The following DROSHA variants were observed in gnomAD, a reference collection of about 807,000 sequenced individuals.
DROSHA encodes the protein drosha ribonuclease III.
DROSHA carries 56 observed loss-of-function variants against 181.9 expected under a neutral mutation model. The observed-to-expected ratio is 0.31, with a 90% CI of 0.25 to 0.38. DROSHA has a LOEUF of 0.38. Among genes scored for constraint, DROSHA ranks in the 10% least tolerant of loss-of-function variants. The probability of loss-of-function intolerance (pLI) is 1.00; values close to 1 mark genes in which losing one functional copy is unlikely to be tolerated. For synonymous variants in DROSHA, 524 were observed against 591.2 expected (o/e 0.89, Z 1.65); for missense variants, 1,218 against 1,743.5 (o/e 0.70, Z 5.37).
chr5:31,454,321 G>A (rs942998105), intron 20 of DROSHA, among the ~76,000 whole-genome samples: 1 of 152,164 alleles, frequency 6.6e-6, no homozygotes, highest in Non-Finnish European at 1.5e-5. Flanking sequence ...ACAACCAGGA[G>A]AAAGTGTTGG....
chr5:31,448,985 A>T (rs748764548), intron 22 of DROSHA, among the ~76,000 whole-genome samples: 1 of 152,124 alleles, frequency 6.6e-6, no homozygotes, highest in Non-Finnish European at 1.5e-5. Flanking sequence ...ATACAAAAAA[A>T]CTAGCCAAGT....
intron 16 of DROSHA, among the ~76,000 whole-genome samples, chr5:31,473,294 G>A (rs116027607): frequency 1.3e-5 from 2 of 152,272 alleles, no homozygotes; most frequent in Non-Finnish European, 2.9e-5. Context: ...AATTGCTGTG[G>A]GCTAAGAACT....
chr5:31,484,438 A>G (rs1751490699), intron 15 of DROSHA, among the ~76,000 whole-genome samples: 1 of 151,094 alleles, frequency 6.6e-6, no homozygotes, highest in African/African-American at 2.4e-5. Context: ...AAAGTAAGCT[A>G]CTATCCAAGA....
chr5:31,426,584 T>C (rs1160828477), intron 27 of DROSHA, among the ~76,000 whole-genome samples: 1 of 151,796 alleles, frequency 6.6e-6, no homozygotes, highest in East Asian at 1.9e-4. Flanking sequence ...TTTTGGCAAA[T>C]CAGTAGAGAG....
chr5:31,455,870 G>A (rs529603107), intron 20 of DROSHA, among the ~76,000 whole-genome samples: 21 of 152,178 alleles, frequency 1.4e-4, no homozygotes, highest in Admixed American at 1.2e-3. Flanking sequence ...TCGAACTCCT[G>A]AGCTCAGGTG....
chr5:31,486,711 GA>G, intron 13 of DROSHA, 149 bp from the exon 14 acceptor site: 2 of 595,176 alleles, frequency 3.4e-6, no homozygotes, highest in East Asian at 6.0e-5. Flanking sequence ...CATGAAGCTT[GA>G]CCACAACTGC....
intron 30 of DROSHA, among the ~76,000 whole-genome samples, chr5:31,415,710 C>G (rs573354466): frequency 2.0e-5 from 3 of 152,238 alleles, no homozygotes; most frequent in African/African-American, 7.2e-5. Flanking sequence ...ACACAGCAGG[C>G]ACGGAGATTA....
chr5:31,424,322 G>A lies in DROSHA; in HGVS notation c.3261+105C>T, dbSNP rs575096420. ...CTCAGCTTAAAGGCACAATGCCACC[G>A]AAGAGAATCAAAAGATAAAAGTGGG... On this transcript the variant is annotated intron_variant, in intron 28 of 35. Transcript: ENST00000344624. 1.1e-5 allele frequency: 16 copies of A among 1,413,112 alleles called. No individual in the cohort carries two copies. In the Admixed American group the frequency reaches 1.5e-4, roughly 13 times the overall value. 87.5% of individuals were successfully genotyped at this position (1,413,112 alleles called of 1,614,324 possible). A position where few individuals can be genotyped will look rare whatever the true frequency, so the allele number is the denominator to read the frequency against.
chr5:31,424,686 G>A (rs1037277031), intron 27 of DROSHA, among the ~76,000 whole-genome samples: 1 of 151,984 alleles, frequency 6.6e-6, no homozygotes, highest in Non-Finnish European at 1.5e-5. Context: ...AAGCTACGGG[G>A]GAAAAGAGCC....
intron 27 of DROSHA, among the ~76,000 whole-genome samples, chr5:31,426,088 C>T (rs111225902): frequency 6.6e-6 from 1 of 151,900 alleles, no homozygotes; most frequent in Non-Finnish European, 1.5e-5. Flanking sequence ...TGTCTTATAC[C>T]GAAACAAGAC....
chr5:31,400,503 CA>C lies in DROSHA; in HGVS notation c.*928del, dbSNP rs1739910742. The C allele has an allele frequency of 6.6e-6, 1 of 152,190 alleles. No individual in the cohort carries two copies. The highest frequency in any genetic ancestry group is 1.5e-5 in the Non-Finnish European group (1 of 68,030). The allele number at this position is 152,190 out of a possible 1,614,324, so 9.4% of individuals were successfully genotyped here. ...TGATGAATGAAACAGATTTGTTTTA[CA>C]AAGAAGTTTTGCCTTTATTAATAAG... On this transcript the variant is annotated 3_prime_UTR_variant, in exon 36 of 36. Transcript: ENST00000344624.
chr5:31,508,698 C>T lies in DROSHA; in HGVS notation c.1510G>A (p.Val504Ile), dbSNP rs1337600691. The T allele has an allele frequency of 4.3e-6, 7 of 1,613,786 alleles. No homozygotes were observed. The highest frequency in any genetic ancestry group is 1.7e-5 in the Admixed American group (1 of 59,994). ...TTTTTGCGTTTGATTTCTGCAATAA[C>T]GTCAAAAACTTCAGAGTCTGAGCTG... ...SSSSDSEVFDVIAEIKRKKAH... is the reference protein window; with the variant it reads ...SSSSDSEVFDIIAEIKRKKAH... Residue 504 changes from valine to isoleucine, a missense_variant, in exon 10 of 36, where the codon GTT (valine) becomes ATT (isoleucine). Transcript: ENST00000344624.
chr5:31,507,121 C>T lies in DROSHA; in HGVS notation c.1587+1500G>A, dbSNP rs184164138. 1.6e-4 allele frequency among the ~76,000 whole-genome samples: 24 copies of T among 151,930 alleles called. No homozygotes were observed. In the East Asian group the frequency reaches 4.7e-3, roughly 30 times the overall value. ...CTTGAGCCTAGGAGTTTGAGACCAG[C>T]CTGGGCAACATAGCGAGACCTCATC... is the stretch of plus-strand genomic sequence containing the variant. On this transcript the variant is annotated intron_variant, in intron 10 of 35. Transcript: ENST00000344624.
chr5:31,448,811 T>G (rs1262844893), intron 22 of DROSHA, among the ~76,000 whole-genome samples: 1 of 152,122 alleles, frequency 6.6e-6, no homozygotes, highest in Admixed American at 6.5e-5. Flanking sequence ...ACCCTTATTA[T>G]AGTTCTTGCT....
Position 31,508,602 on chromosome 5 carries a change from A to G in DROSHA, c.1587+19T>C, listed in dbSNP as rs748207673. The G allele has an allele frequency of 1.9e-6, 3 of 1,613,878 alleles. No individual in the cohort carries two copies. The highest frequency in any genetic ancestry group is 2.5e-6 in the Non-Finnish European group (3 of 1,179,818). On this transcript the variant is annotated intron_variant, in intron 10 of 35. Transcript: ENST00000344624. Reference sequence around the variant, plus strand: ...GTCTGGGTTTGCAACCTTCACAGCAAGGGCATAAAAACACGCACCTGGCCT... The same window carrying G: ...GTCTGGGTTTGCAACCTTCACAGCAGGGGCATAAAAACACGCACCTGGCCT...
At chr5:31,505,170 G>A (rs1182405893) in intron 10 of DROSHA, among the ~76,000 whole-genome samples, 4 of 152,120 alleles carry the variant, frequency 2.6e-5, no homozygotes, top group East Asian at 3.8e-4. Flanking sequence ...TTAGTGCCAC[G>A]AACTCCGCCC....
intron 21 of DROSHA, among the ~76,000 whole-genome samples, chr5:31,450,360 T>A (rs1296634675): frequency 6.6e-6 from 1 of 152,126 alleles, no homozygotes; most frequent in African/African-American, 2.4e-5. Flanking sequence ...AGTCATTATA[T>A]CAAAAAGACA....
intron 3 of DROSHA, among the ~76,000 whole-genome samples, chr5:31,529,652 AT>A (rs1481316407): frequency 1.3e-5 from 2 of 151,280 alleles, no homozygotes; most frequent in Non-Finnish European, 2.9e-5. Context: ...GGAGAATGAC[AT>A]GAACCTGGGA....
At chr5:31,526,026 G>T in intron 5 of DROSHA, 53 bp downstream of exon 5, 1 of 1,474,788 alleles carries the variant, frequency 6.8e-7, no homozygotes, top group South Asian at 1.4e-5. Flanking sequence ...AATGGAGAAT[G>T]ACCGTGCCTG....
Sources: allele counts gnomAD v4.1 joint callset (sites outside exome capture counted in the v4.1 genomes callset), GRCh38; gene constraint gnomAD v4.1.1; transcripts MANE v1.5; gene names NCBI Gene and HGNC (gene_info 2026-07-23, HGNC 2026-07-21).